ANKRD30B: variants seen among roughly 807,000 people sequenced by gnomAD.
ANKRD30B encodes ankyrin repeat domain-containing protein 30B.
In ANKRD30B, 144 loss-of-function variants were observed where a neutral mutation model predicts 202.2. The observed-to-expected ratio is 0.71, with a 90% CI of 0.62 to 0.82. The LOEUF (loss-of-function observed/expected upper bound fraction) is 0.82, where lower values mean the gene tolerates loss of function less well. Among genes scored for constraint, ANKRD30B ranks in the 40% least tolerant of loss-of-function variants. The probability of loss-of-function intolerance (pLI) is 0.00; values close to 1 mark genes in which losing one functional copy is unlikely to be tolerated. For synonymous variants in ANKRD30B, 508 were observed against 561.3 expected (o/e 0.91, Z 1.34); for missense variants, 1,487 against 1,669.1 (o/e 0.89, Z 1.90).
At chr18:14,924,212 C>A in the ANKRD30B span, among the ~76,000 whole-genome samples, 5 of 152,306 alleles carry the variant, frequency 3.3e-5, no homozygotes, top group Non-Finnish European at 7.3e-5. Context: ...AACAGTAGAA[C>A]TGTGGTATTT....
At chr18:14,836,878 A>G (rs999388012) in intron 34 of ANKRD30B, among the ~76,000 whole-genome samples, 4 of 151,748 alleles carry the variant, frequency 2.6e-5, no homozygotes, top group Non-Finnish European at 5.9e-5. Flanking sequence ...TTATGGCAGC[A>G]TTTTCTAAGC....
chr18:14,933,814 C>T, the ANKRD30B span, among the ~76,000 whole-genome samples: 2 of 152,172 alleles, frequency 1.3e-5, no homozygotes, highest in Admixed American at 6.5e-5. Flanking sequence ...TTTGCAACTA[C>T]GTCAAGTGCA....
At chr18:14,844,290 A>G (rs148559595) in intron 39 of ANKRD30B, among the ~76,000 whole-genome samples, 340 of 152,366 alleles carry the variant, frequency 2.2e-3, no homozygotes, top group African/African-American at 7.8e-3. Flanking sequence ...TATATTAGAA[A>G]CTGAAACTAA....
chr18:14,851,472 T>C lies in ANKRD30B; in HGVS notation c.3565-37T>C, dbSNP rs1444848081. On this transcript the variant is annotated intron_variant, in intron 41 of 43. Coordinates refer to ENST00000690538, the MANE Select transcript of ANKRD30B (RefSeq NM_001367607.2). ...AGAGGAACTATGATATGCCATTTTATTGAGTGCTAGTTAAATTTTTATTTT... is the reference window on the plus strand; with the variant it reads ...AGAGGAACTATGATATGCCATTTTACTGAGTGCTAGTTAAATTTTTATTTT... 4.8e-6 allele frequency: 7 copies of C among 1,468,212 alleles called. No homozygotes were observed. In the South Asian group the frequency reaches 5.9e-5, roughly 12 times the overall value. 90.9% of individuals were successfully genotyped at this position (1,468,212 alleles called of 1,614,324 possible). A position where few individuals can be genotyped will look rare whatever the true frequency, so the allele number is the denominator to read the frequency against.
intron 30 of ANKRD30B, 128 bp from the exon 31 acceptor site, chr18:14,822,355 C>G: frequency 1.4e-6 from 1 of 690,820 alleles, no homozygotes; most frequent in East Asian, 4.0e-5. Flanking sequence ...CCAAAAGACC[C>G]CAAAACCTAG....
At chr18:14,810,589 T>G (rs1475790117) in intron 28 of ANKRD30B, among the ~76,000 whole-genome samples, 1 of 151,154 alleles carries the variant, frequency 6.6e-6, no homozygotes, top group Non-Finnish European at 1.5e-5. Context: ...TCTGAGAATC[T>G]AAAGAAAATC....
the ANKRD30B span, among the ~76,000 whole-genome samples, chr18:14,864,375 A>T: frequency 6.6e-6 from 1 of 152,016 alleles, no homozygotes; most frequent in East Asian, 1.9e-4. Context: ...AACAAAAAAA[A>T]CCCTGAAATC....
intron 9 of ANKRD30B, among the ~76,000 whole-genome samples, chr18:14,774,206 T>C (rs915292110): frequency 1.4e-4 from 22 of 152,128 alleles, no homozygotes; most frequent in African/African-American, 5.1e-4. Context: ...GTAGTGTAAA[T>C]ACTGATCAGC....
chr18:14,756,632 G>T (rs1914413122), intron 4 of ANKRD30B, among the ~76,000 whole-genome samples: 1 of 152,168 alleles, frequency 6.6e-6, no homozygotes, highest in Non-Finnish European at 1.5e-5. Flanking sequence ...GGTAGTTGTT[G>T]CCTGTTATCC....
intron 9 of ANKRD30B, among the ~76,000 whole-genome samples, chr18:14,777,532 G>A (rs369323112): frequency 7.2e-5 from 11 of 151,860 alleles, no homozygotes; most frequent in African/African-American, 1.9e-4. Flanking sequence ...TCTTGACCTC[G>A]TGATCCCCCC....
the ANKRD30B span, among the ~76,000 whole-genome samples, chr18:14,883,325 CT>C: frequency 6.7e-6 from 1 of 149,396 alleles, no homozygotes; most frequent in Non-Finnish European, 1.5e-5. Flanking sequence ...AGGTGTCTCT[CT>C]CTCTCTCTGT....
chr18:14,893,190 T>C, the ANKRD30B span, among the ~76,000 whole-genome samples: 1 of 152,224 alleles, frequency 6.6e-6, no homozygotes, highest in Non-Finnish European at 1.5e-5. Context: ...TCTATTTTGT[T>C]CCATATCCTA....
chr18:14,820,402 G>T (rs201979421), intron 30 of ANKRD30B, among the ~76,000 whole-genome samples: 1 of 152,078 alleles, frequency 6.6e-6, no homozygotes, highest in Admixed American at 6.5e-5. Flanking sequence ...ACACTATGTT[G>T]AACAGGAGTG....
chr18:14,837,170 T>A lies in ANKRD30B; in HGVS notation c.2848-41T>A, dbSNP rs751110973. On this transcript the variant is annotated intron_variant, in intron 34 of 43. Coordinates refer to ENST00000690538, the MANE Select transcript of ANKRD30B (RefSeq NM_001367607.2). ...GAATAAATACAATTTTTTTCTGAAG[T>A]TTTTTTTTTGTGTTTGCTTTCTGTG... 21 of 282,034 alleles carry A rather than the reference T, an allele frequency of 7.4e-5. No homozygotes were observed. The African/African-American group carries it at 9.3e-4, about 13-fold the overall frequency. The allele number at this position is 282,034 out of a possible 1,614,324, so 17.5% of individuals were successfully genotyped here. A position where few individuals can be genotyped will look rare whatever the true frequency, so the allele number is the denominator to read the frequency against.
intron 6 of ANKRD30B, among the ~76,000 whole-genome samples, chr18:14,762,267 A>T (rs1274726026): frequency 6.6e-6 from 1 of 152,228 alleles, no homozygotes; most frequent in African/African-American, 2.4e-5. Context: ...TTATTCAAGG[A>T]TCAACTGTGT....
chr18:14,868,349 T>A, the ANKRD30B span, among the ~76,000 whole-genome samples: 2 of 152,280 alleles, frequency 1.3e-5, no homozygotes, highest in Admixed American at 1.3e-4. Context: ...GGTGCCCTCC[T>A]TCTGCTGGCA....
chr18:14,934,869 G>A, the ANKRD30B span, among the ~76,000 whole-genome samples: 6 of 151,086 alleles, frequency 4.0e-5, no homozygotes, highest in Admixed American at 4.0e-4. Flanking sequence ...GGAGAGAGAG[G>A]GGTGTGCACA....
chr18:14,900,083 A>G, the ANKRD30B span, among the ~76,000 whole-genome samples: 12 of 152,178 alleles, frequency 7.9e-5, no homozygotes, highest in Admixed American at 7.9e-4. Context: ...TAAGTTGAAA[A>G]AAGATTACAG....
At chr18:14,865,089 A>G in the ANKRD30B span, among the ~76,000 whole-genome samples, 1 of 143,288 alleles carries the variant, frequency 7.0e-6, no homozygotes, top group Admixed American at 6.9e-5. Flanking sequence ...CACACTTTCT[A>G]TTCTCCTCCC....
Sources: allele counts gnomAD v4.1 joint callset (sites outside exome capture counted in the v4.1 genomes callset), GRCh38; gene constraint gnomAD v4.1.1; transcripts MANE v1.5; gene names NCBI Gene and HGNC (gene_info 2026-07-23, HGNC 2026-07-21).